Variants in REV1 observed in about 807,000 individuals in gnomAD.
REV1 encodes translesion synthesis protein REV1.
A neutral mutation model predicts 137.4 loss-of-function variants in REV1; 42 were observed. That is an observed-to-expected ratio of 0.31 (90% CI 0.24 to 0.40). REV1 has a LOEUF of 0.40. REV1 is among the 10% of genes least tolerant of loss of function. The probability of loss-of-function intolerance (pLI) is 1.00; values close to 1 mark genes in which losing one functional copy is unlikely to be tolerated. For synonymous variants in REV1, 524 were observed against 519.2 expected, an observed-to-expected ratio of 1.01 and a Z score of -0.12; for missense variants, 1,282 against 1,490.1, an observed-to-expected ratio of 0.86 and a Z score of 2.30.
rs763736642 is a variant in REV1 at position 99,402,610 on chromosome 2, C to T, written c.3541+34G>A. On this transcript the variant is annotated intron_variant, in intron 21 of 22. Transcript: ENST00000258428. ...CTCAAATCATGAGACGACTACATCTCAGCCTTGGGCCATCTAACACAGGCC... is the reference window on the plus strand; with the variant it reads ...CTCAAATCATGAGACGACTACATCTTAGCCTTGGGCCATCTAACACAGGCC... The T allele has an allele frequency of 7.5e-6, 12 of 1,592,602 alleles. No homozygotes were observed. In the East Asian group the frequency reaches 1.8e-4, roughly 24 times the overall value.
chr2:99,490,085 C>CCGGGCCCGCCCACGCCCCCTCCG (rs1687559805), upstream of REV1: 1 of 144,548 alleles, frequency 6.9e-6, no homozygotes. Context: ...CGCGCGCTCC[C>CCGGGCCCGCCCACGCCCCCTCCG]CGGCCCCGCT....
In REV1 at chr2:99,464,169, C is replaced by T. The variant is rs143008513; in HGVS notation, c.54+753G>A. ...TTAAAAAATAATTTTTTTTGCTAAA[C>T]ATCTTGACAGATCTAGGGATTCAAC... On this transcript the variant is annotated intron_variant, in intron 2 of 22. Transcript: ENST00000258428. Among the ~76,000 whole-genome samples the T allele has an allele frequency of 9.8e-3, 1,498 of 152,260 alleles. 9 individuals carry two copies. Among genetic ancestry groups the T allele is most frequent in the Non-Finnish European group, 0.014 (958 of 68,012 alleles).
At chr2:99,402,070 G>A (rs1675535474) in intron 22 of REV1, among the ~76,000 whole-genome samples, 174 bp downstream of exon 22, 1 of 152,074 alleles carries the variant, frequency 6.6e-6, no homozygotes, top group Admixed American at 6.6e-5. Flanking sequence ...GACCTTGAGG[G>A]CAACATATTT....
At chr2:99,479,969 G>A (rs1158619439) in intron 1 of REV1, among the ~76,000 whole-genome samples, 2 of 152,090 alleles carry the variant, frequency 1.3e-5, no homozygotes, top group Non-Finnish European at 2.9e-5. Context: ...ATAGAAGGTA[G>A]GTGGGAAGGG....
intron 3 of REV1, among the ~76,000 whole-genome samples, chr2:99,455,909 C>T (rs151200570): frequency 4.1e-4 from 63 of 152,236 alleles, no homozygotes; most frequent in African/African-American, 1.4e-3. Flanking sequence ...TGCTTTTTCA[C>T]AAACTTCAGC....
chr2:99,486,914 T>C (rs1246562257), intron 1 of REV1, among the ~76,000 whole-genome samples: 1 of 119,982 alleles, frequency 8.3e-6, no homozygotes, highest in Non-Finnish European at 1.8e-5. Context: ...AATAAATAAG[T>C]GGGAAAAAAA....
At chr2:99,421,395 T>C in intron 11 of REV1, 104 bp downstream of exon 11, 3 of 1,122,182 alleles carry the variant, frequency 2.7e-6, no homozygotes, top group Non-Finnish European at 3.8e-6. Context: ...AAAACGGTTT[T>C]ACAAGTGAGA....
At chr2:99,406,544 A>C in intron 15 of REV1, 54 bp from the exon 16 acceptor site, 1 of 1,406,618 alleles carries the variant, frequency 7.1e-7, no homozygotes, top group Non-Finnish European at 9.5e-7. Context: ...GAAAATATGA[A>C]TTCAGCTAAG....
chr2:99,407,550 CA>C (rs960279383), intron 15 of REV1, among the ~76,000 whole-genome samples: 67 of 139,708 alleles, frequency 4.8e-4, no homozygotes, highest in Middle Eastern at 3.7e-3. Context: ...AAAACTGTCT[CA>C]AAAAAAAAAA....
At chr2:99,461,196 T>C (rs1684151148) in intron 3 of REV1, among the ~76,000 whole-genome samples, 1 of 152,232 alleles carries the variant, frequency 6.6e-6, no homozygotes. Flanking sequence ...TCATCATCAA[T>C]GATGCCTAAT....
chr2:99,436,019 A>AT, intron 6 of REV1, 78 bp from the exon 7 acceptor site: 1 of 842,422 alleles, frequency 1.2e-6, no homozygotes, highest in Non-Finnish European at 2.0e-6. Context: ...AATTTTAGAA[A>AT]TTATATTTAA....
At chr2:99,447,653 C>T (rs1229936739) in intron 4 of REV1, among the ~76,000 whole-genome samples, 2 of 152,110 alleles carry the variant, frequency 1.3e-5, no homozygotes, top group Non-Finnish European at 2.9e-5. Flanking sequence ...CACATAACCA[C>T]AGCAGGCAGA....
At chr2:99,473,418 C>G (rs1034098911) in intron 1 of REV1, among the ~76,000 whole-genome samples, 2 of 151,466 alleles carry the variant, frequency 1.3e-5, no homozygotes, top group Non-Finnish European at 2.9e-5. Context: ...AATTCAGACA[C>G]CTAGGTGAAG....
chr2:99,476,514 C>G (rs1182438600), intron 1 of REV1, among the ~76,000 whole-genome samples: 1 of 151,994 alleles, frequency 6.6e-6, no homozygotes, highest in South Asian at 2.1e-4. Context: ...CCAGATTGCG[C>G]CATTGCACTC....
At chr2:99,480,052 G>A (rs1456012035) in intron 1 of REV1, among the ~76,000 whole-genome samples, 1 of 152,172 alleles carries the variant, frequency 6.6e-6, no homozygotes, top group Non-Finnish European at 1.5e-5. Context: ...GAGTGCAGTG[G>A]CTCACACCTG....
intron 10 of REV1, 55 bp downstream of exon 10, chr2:99,424,097 T>G (rs757245167): frequency 6.4e-7 from 1 of 1,574,196 alleles, no homozygotes; most frequent in Non-Finnish European, 8.7e-7. Context: ...CTGTCTTTAC[T>G]ATTAGCTAAA....
At chr2:99,403,327 C>T in intron 19 of REV1, 1 of 583,430 alleles carries the variant, frequency 1.7e-6, no homozygotes, top group Non-Finnish European at 3.0e-6. Context: ...TGGCATGTTG[C>T]TCATCTATGA....
intron 1 of REV1, among the ~76,000 whole-genome samples, chr2:99,466,398 A>G (rs1377638080): frequency 6.6e-6 from 1 of 151,816 alleles, no homozygotes; most frequent in Non-Finnish European, 1.5e-5. Context: ...ACCTGCCACC[A>G]TGCCTGGCTA....
At chr2:99,484,771 T>C (rs1292722076) in intron 1 of REV1, among the ~76,000 whole-genome samples, 1 of 152,098 alleles carries the variant, frequency 6.6e-6, no homozygotes, top group Non-Finnish European at 1.5e-5. Context: ...AATAATGAGA[T>C]AAATTTAACG....
Sources: allele counts gnomAD v4.1 joint callset (sites outside exome capture counted in the v4.1 genomes callset), GRCh38; gene constraint gnomAD v4.1.1; transcripts MANE v1.5; gene names NCBI Gene and HGNC (gene_info 2026-07-23, HGNC 2026-07-21).